The following ENTREP1 variants were observed in gnomAD, a reference collection of about 807,000 sequenced individuals.
ENTREP1 encodes the protein Friedreich ataxia region gene X123.
chr9:69,355,923 G>C, the ENTREP1 span, among the ~76,000 whole-genome samples: 1 of 152,102 alleles, frequency 6.6e-6, no homozygotes, highest in Non-Finnish European at 1.5e-5. Context: ...CTTTTTTGTG[G>C]TGTGCAATTT....
chr9:69,340,733 G>GTT, the ENTREP1 span, among the ~76,000 whole-genome samples: 1 of 118,896 alleles, frequency 8.4e-6, no homozygotes, highest in Non-Finnish European at 1.7e-5. Context: ...ATGTGTGTGT[G>GTT]TATGTGTGTG....
chr9:69,331,929 C>G, the ENTREP1 span, among the ~76,000 whole-genome samples: 1 of 152,168 alleles, frequency 6.6e-6, no homozygotes, highest in Non-Finnish European at 1.5e-5. Flanking sequence ...TCTGATGGAG[C>G]TCCAGCTACT....
At chr9:69,344,066 GC>G in the ENTREP1 span, among the ~76,000 whole-genome samples, 2 of 152,210 alleles carry the variant, frequency 1.3e-5, no homozygotes, top group Non-Finnish European at 2.9e-5. Flanking sequence ...GCTAAAGGAA[GC>G]CCTCTGACCA....
the ENTREP1 span, among the ~76,000 whole-genome samples, chr9:69,367,424 G>C: frequency 6.6e-6 from 1 of 150,982 alleles, no homozygotes; most frequent in South Asian, 2.1e-4. Flanking sequence ...GGATTGCAGT[G>C]AATCTTTAGA....
At chr9:69,325,942 G>T in the ENTREP1 span, among the ~76,000 whole-genome samples, 2 of 146,542 alleles carry the variant, frequency 1.4e-5, no homozygotes, top group Non-Finnish European at 3.0e-5. Flanking sequence ...GCAGGCTGAA[G>T]AATTTTATTT....
chr9:69,387,327 C>G, the ENTREP1 span: 1 of 152,514 alleles, frequency 6.6e-6, no homozygotes, highest in Non-Finnish European at 1.5e-5. Context: ...TTCTTGTCTT[C>G]TTTGAATTTC....
chr9:69,362,580 G>T, the ENTREP1 span, among the ~76,000 whole-genome samples: 1 of 152,138 alleles, frequency 6.6e-6, no homozygotes, highest in Non-Finnish European at 1.5e-5. Context: ...TATAAAAAAA[G>T]CATAGAAGAC....
chr9:69,351,388 TTGATGATGATGATGA>T, the ENTREP1 span, among the ~76,000 whole-genome samples: 1 of 151,342 alleles, frequency 6.6e-6, no homozygotes, highest in Non-Finnish European at 1.5e-5. Flanking sequence ...TCTTATTTCC[TTGATGATGATGATGA>T]TGATGATGAT....
chr9:69,353,993 A>G, the ENTREP1 span, among the ~76,000 whole-genome samples: 1 of 151,396 alleles, frequency 6.6e-6, no homozygotes, highest in Non-Finnish European at 1.5e-5. Flanking sequence ...TCTCATCTGG[A>G]CCCCTATTTC....
the ENTREP1 span, chr9:69,325,638 G>T: frequency 2.4e-6 from 3 of 1,231,330 alleles, no homozygotes; most frequent in Non-Finnish European, 3.0e-6. Context: ...TTGGGCTGCT[G>T]CATGGTGGCG....
chr9:69,349,184 C>CAA, the ENTREP1 span, among the ~76,000 whole-genome samples: 15 of 85,270 alleles, frequency 1.8e-4, no homozygotes, highest in South Asian at 4.5e-4. Context: ...AACTCCATCT[C>CAA]AAAAAAAAAA....
chr9:69,386,588 A>G, the ENTREP1 span: 1 of 152,212 alleles, frequency 6.6e-6, no homozygotes, highest in East Asian at 1.9e-4. Context: ...AAACTAAAGG[A>G]AGAAAATTAA....
chr9:69,364,536 T>C, the ENTREP1 span, among the ~76,000 whole-genome samples: 1 of 152,282 alleles, frequency 6.6e-6, no homozygotes, highest in South Asian at 2.1e-4. Flanking sequence ...GGATGCCATC[T>C]GATGAAGCTT....
the ENTREP1 span, among the ~76,000 whole-genome samples, chr9:69,359,961 C>T: frequency 6.9e-6 from 1 of 144,522 alleles, no homozygotes. Flanking sequence ...TAGACATGCT[C>T]TTATTTTGCT....
chr9:69,371,193 C>T, the ENTREP1 span: 3 of 361,640 alleles, frequency 8.3e-6, no homozygotes, highest in Non-Finnish European at 1.6e-5. Flanking sequence ...AAGAGTGGCT[C>T]AAGGAGGAAA....
At chr9:69,356,382 G>A in the ENTREP1 span, among the ~76,000 whole-genome samples, 3 of 152,178 alleles carry the variant, frequency 2.0e-5, no homozygotes, top group African/African-American at 7.2e-5. Flanking sequence ...GTGATATGAG[G>A]AACGCCCTGT....
chr9:69,355,622 A>C, the ENTREP1 span, among the ~76,000 whole-genome samples: 1 of 152,234 alleles, frequency 6.6e-6, no homozygotes, highest in African/African-American at 2.4e-5. Flanking sequence ...TAATGGTTTC[A>C]AACCACAACT....
At chr9:69,357,473 A>G in the ENTREP1 span, among the ~76,000 whole-genome samples, 496 of 152,282 alleles carry the variant, frequency 3.3e-3, 12 homozygotes, top group East Asian at 0.039. Context: ...CATGCTGGAG[A>G]GGAAAGAGCA....
At chr9:69,354,408 C>T in the ENTREP1 span, among the ~76,000 whole-genome samples, 1 of 152,036 alleles carries the variant, frequency 6.6e-6, no homozygotes, top group Non-Finnish European at 1.5e-5. Flanking sequence ...CAGGTGCCCA[C>T]CACCAGGCCC....
Sources: allele counts gnomAD v4.1 joint callset (sites outside exome capture counted in the v4.1 genomes callset), GRCh38; gene constraint gnomAD v4.1.1; transcripts MANE v1.5; gene names NCBI Gene and HGNC (gene_info 2026-07-23, HGNC 2026-07-21).